The following TAFA4 variants were observed in gnomAD, a reference collection of about 807,000 sequenced individuals.
The protein encoded by TAFA4 is chemokine-like protein TAFA-4.
A neutral mutation model predicts 21.1 loss-of-function variants in TAFA4; 20 were observed. The ratio of observed to expected loss-of-function variants is 0.95; its 90% CI spans 0.67 to 1.38. TAFA4 has a LOEUF of 1.38. Ranked by LOEUF, TAFA4 falls within the 40% of genes most tolerant of loss-of-function variation. TAFA4 has a pLI of 0.00. For synonymous variants in TAFA4, 71 were observed against 67.4 expected, an observed-to-expected ratio of 1.05 and a Z score of -0.26; for missense variants, 211 against 180.9, an observed-to-expected ratio of 1.17 and a Z score of -0.95.
chr3:68,749,746 G>A (rs932807385), intron 4 of TAFA4, among the ~76,000 whole-genome samples: 5 of 152,156 alleles, frequency 3.3e-5, no homozygotes, highest in East Asian at 1.9e-4. Flanking sequence ...GGCACTCTCT[G>A]ACCACAAATG....
intron 3 of TAFA4, among the ~76,000 whole-genome samples, chr3:68,819,928 A>G (rs1312620396): frequency 6.6e-6 from 1 of 152,200 alleles, no homozygotes; most frequent in African/African-American, 2.4e-5. Flanking sequence ...CCATCCCACT[A>G]CCAGATATGC....
chr3:68,759,206 C>T (rs1702715210), intron 3 of TAFA4, among the ~76,000 whole-genome samples: 1 of 152,186 alleles, frequency 6.6e-6, no homozygotes, highest in African/African-American at 2.4e-5. Flanking sequence ...TATTCAGGTC[C>T]TCAGCAGATT....
intron 3 of TAFA4, among the ~76,000 whole-genome samples, chr3:68,837,008 T>C (rs1014130637): frequency 6.6e-6 from 1 of 152,218 alleles, no homozygotes; most frequent in African/African-American, 2.4e-5. Flanking sequence ...ACAGGCCAAA[T>C]CCAACTGGCC....
At chr3:68,748,731 G>A (rs1224794981) in intron 4 of TAFA4, among the ~76,000 whole-genome samples, 9 of 147,778 alleles carry the variant, frequency 6.1e-5, no homozygotes, top group Non-Finnish European at 8.9e-5. Flanking sequence ...GCGAAAAAGC[G>A]AGACTCCGTC....
At chr3:68,803,771 C>T (rs1488655079) in intron 3 of TAFA4, among the ~76,000 whole-genome samples, 1 of 140,606 alleles carries the variant, frequency 7.1e-6, no homozygotes, top group Non-Finnish European at 1.5e-5. Flanking sequence ...GGCTCAGGGC[C>T]TTTAAGGGTC....
At chr3:68,809,366 A>T (rs1703778017) in intron 3 of TAFA4, among the ~76,000 whole-genome samples, 1 of 152,242 alleles carries the variant, frequency 6.6e-6, no homozygotes, top group Non-Finnish European at 1.5e-5. Context: ...AATAACTTGA[A>T]CATTAAAGTT....
rs1364160633 is a variant in TAFA4 at position 68,841,322 on chromosome 3, C to CA, written c.130+39407dup. ...TGGGCGACAGAGCGAGACTCCGTCTCAAAAAAAAAAAAAATAAAAAAAAAT... is the reference window on the plus strand; with the variant it reads ...TGGGCGACAGAGCGAGACTCCGTCTCAAAAAAAAAAAAAAATAAAAAAAAAT... On this transcript the variant is annotated intron_variant, in intron 3 of 5. Transcript: ENST00000295569. Among the ~76,000 whole-genome samples, 73 of 95,058 alleles carry CA rather than the reference C, an allele frequency of 7.7e-4. 5 individuals carry two copies. The highest frequency in any genetic ancestry group is 2.0e-3 in the Admixed American group (19 of 9,544). The allele number at this position is 95,058 out of a possible 152,430, so 62.4% of individuals were successfully genotyped here. A position where few individuals can be genotyped will look rare whatever the true frequency, so the allele number is the denominator to read the frequency against.
At chr3:68,829,401 G>C (rs1322164253) in intron 3 of TAFA4, among the ~76,000 whole-genome samples, 2 of 152,154 alleles carry the variant, frequency 1.3e-5, no homozygotes, top group Non-Finnish European at 2.9e-5. Flanking sequence ...AGCATGAAAG[G>C]CTGTTGAATT....
At chr3:68,751,204 C>A (rs1457469252) in intron 4 of TAFA4, among the ~76,000 whole-genome samples, 1 of 152,148 alleles carries the variant, frequency 6.6e-6, no homozygotes, top group African/African-American at 2.4e-5. Context: ...AGACACAGAT[C>A]TTGCAGGGCT....
At chr3:68,874,499 C>T (rs898478294) in intron 3 of TAFA4, among the ~76,000 whole-genome samples, 6 of 152,084 alleles carry the variant, frequency 3.9e-5, no homozygotes, top group Non-Finnish European at 7.4e-5. Context: ...CACTGGCATA[C>T]AGATGAGGTA....
chr3:68,858,769 T>A (rs1705130914), intron 3 of TAFA4, among the ~76,000 whole-genome samples: 1 of 152,046 alleles, frequency 6.6e-6, no homozygotes, highest in Non-Finnish European at 1.5e-5. Context: ...CAGCACTTGA[T>A]CCCTGGCTAT....
At chr3:68,856,914 T>C (rs1361920034) in intron 3 of TAFA4, among the ~76,000 whole-genome samples, 2 of 151,964 alleles carry the variant, frequency 1.3e-5, no homozygotes, top group Non-Finnish European at 2.9e-5. Context: ...TGACCTTGAG[T>C]TACACACAGA....
chr3:68,927,575 A>G (rs1423436155), intron 1 of TAFA4, among the ~76,000 whole-genome samples: 1 of 152,196 alleles, frequency 6.6e-6, no homozygotes, highest in Non-Finnish European at 1.5e-5. Context: ...TTTTTAAAAA[A>G]AGCTTAGTGT....
chr3:68,862,617 C>T (rs1468618458), intron 3 of TAFA4, among the ~76,000 whole-genome samples: 1 of 152,024 alleles, frequency 6.6e-6, no homozygotes, highest in African/African-American at 2.4e-5. Context: ...TAGTGATGTG[C>T]ACCACTCTAC....
chr3:68,793,209 A>T (rs899665790), intron 3 of TAFA4, among the ~76,000 whole-genome samples: 1 of 152,194 alleles, frequency 6.6e-6, no homozygotes, highest in African/African-American at 2.4e-5. Flanking sequence ...TCCATTCAGA[A>T]AAAAAGAAGA....
chr3:68,891,512 T>C (rs962500608), intron 1 of TAFA4, among the ~76,000 whole-genome samples: 3 of 152,196 alleles, frequency 2.0e-5, no homozygotes, highest in Non-Finnish European at 4.4e-5. Flanking sequence ...GCCTGGTGCC[T>C]TCTGTACTCA....
intron 3 of TAFA4, among the ~76,000 whole-genome samples, chr3:68,874,398 C>A (rs1248741291): frequency 6.6e-6 from 1 of 152,066 alleles, no homozygotes; most frequent in African/African-American, 2.4e-5. Flanking sequence ...CGTCATTTTT[C>A]TTCCTGCCCC....
chr3:68,882,122 A>T (rs1294815261), intron 2 of TAFA4, among the ~76,000 whole-genome samples: 2 of 152,242 alleles, frequency 1.3e-5, no homozygotes, highest in African/African-American at 4.8e-5. Context: ...AACAAAAAGC[A>T]CTGGCTTCTT....
At chr3:68,751,395 G>A (rs1054714550) in intron 4 of TAFA4, among the ~76,000 whole-genome samples, 1 of 152,176 alleles carries the variant, frequency 6.6e-6, no homozygotes, top group Non-Finnish European at 1.5e-5. Context: ...GTGGCCCCTA[G>A]ACTGTGGACG....
Sources: gnomAD v4.1 joint callset for allele counts (sites outside exome capture counted in the v4.1 genomes callset) on GRCh38, gnomAD v4.1.1 for gene constraint, MANE v1.5 for transcripts, NCBI Gene and HGNC (gene_info 2026-07-23, HGNC 2026-07-21) for gene names.